SV2C: variants seen among roughly 807,000 people sequenced by gnomAD.
SV2C encodes the protein synaptic vesicle glycoprotein 2C.
A neutral mutation model predicts 79.7 loss-of-function variants in SV2C; 49 were observed. The observed-to-expected ratio is 0.61, with a 90% CI of 0.49 to 0.78. The LOEUF is 0.78. Ranked by LOEUF, SV2C falls within the 30% of genes least tolerant of loss-of-function variation. The pLI is 0.00. For synonymous variants in SV2C, 334 were observed against 333.2 expected (o/e 1.00, Z -0.03); for missense variants, 833 against 912.9 (o/e 0.91, Z 1.13).
chr5:76,258,436 A>G (rs1413828476), intron 4 of SV2C, among the ~76,000 whole-genome samples: 1 of 152,154 alleles, frequency 6.6e-6, no homozygotes, highest in Middle Eastern at 3.2e-3. Context: ...TGAGAGCTTG[A>G]TGATGGCCAG....
the SV2C span, among the ~76,000 whole-genome samples, chr5:75,929,177 ACCCCTGTGT>A: frequency 6.6e-6 from 1 of 151,716 alleles, no homozygotes; most frequent in African/African-American, 2.4e-5. Context: ...TCTGCTCCAC[ACCCCTGTGT>A]CCAGGGTTGA....
chr5:75,887,685 A>G, the SV2C span, among the ~76,000 whole-genome samples: 1 of 152,142 alleles, frequency 6.6e-6, no homozygotes, highest in Admixed American at 6.6e-5. Context: ...GACAATGTAT[A>G]TATGTATATA....
chr5:76,033,847 C>T, the SV2C span, among the ~76,000 whole-genome samples: 1 of 151,632 alleles, frequency 6.6e-6, no homozygotes, highest in Non-Finnish European at 1.5e-5. Flanking sequence ...GCAGTATGGC[C>T]ATTTTCACGA....
At chr5:76,143,717 C>T (rs1749333673) in intron 2 of SV2C, among the ~76,000 whole-genome samples, 2 of 152,184 alleles carry the variant, frequency 1.3e-5, no homozygotes, top group Admixed American at 1.3e-4. Flanking sequence ...GGCTTTCTGC[C>T]TTCCTAGTAG....
chr5:76,071,327 G>A, the SV2C span, among the ~76,000 whole-genome samples: 27 of 152,292 alleles, frequency 1.8e-4, no homozygotes, highest in Non-Finnish European at 3.4e-4. Context: ...AGTTATAAAA[G>A]AACCTGCAGT....
chr5:76,068,081 T>C, the SV2C span, among the ~76,000 whole-genome samples: 1 of 152,176 alleles, frequency 6.6e-6, no homozygotes, highest in Non-Finnish European at 1.5e-5. Flanking sequence ...TAGCCAGAGC[T>C]TGTAAAACCA....
chr5:76,054,615 G>GT, the SV2C span, among the ~76,000 whole-genome samples: 1 of 152,170 alleles, frequency 6.6e-6, no homozygotes, highest in South Asian at 2.1e-4. Flanking sequence ...CACCAACAGT[G>GT]TAAAAGCATT....
At chr5:76,021,667 C>T in the SV2C span, among the ~76,000 whole-genome samples, 1 of 152,170 alleles carries the variant, frequency 6.6e-6, no homozygotes, top group Non-Finnish European at 1.5e-5. Flanking sequence ...CCAGTAACAT[C>T]AGTTTTATTC....
At chr5:75,847,646 A>G in the SV2C span, among the ~76,000 whole-genome samples, 1 of 152,210 alleles carries the variant, frequency 6.6e-6, no homozygotes, top group African/African-American at 2.4e-5. Context: ...AGCTGATAAC[A>G]AAGTTGACTT....
At chr5:76,246,880 A>G (rs1290710812) in intron 4 of SV2C, among the ~76,000 whole-genome samples, 1 of 152,132 alleles carries the variant, frequency 6.6e-6, no homozygotes, top group African/African-American at 2.4e-5. Flanking sequence ...TGTCAACTCT[A>G]AAGTGAAAAG....
upstream of SV2C, among the ~76,000 whole-genome samples, chr5:76,081,175 C>T (rs1468494955): frequency 6.6e-6 from 1 of 152,154 alleles, no homozygotes; most frequent in Admixed American, 6.5e-5. Context: ...ATATCTTCCA[C>T]GGACAAGATA....
chr5:76,280,217 A>AC (rs1176441530), intron 4 of SV2C, among the ~76,000 whole-genome samples: 6 of 152,018 alleles, frequency 3.9e-5, no homozygotes, highest in Admixed American at 6.5e-5. Context: ...TGGACAACAC[A>AC]CCCTTTAGAG....
chr5:76,346,836 C>G (rs1467604378), intron 12 of SV2C, among the ~76,000 whole-genome samples: 1 of 152,216 alleles, frequency 6.6e-6, no homozygotes, highest in Non-Finnish European at 1.5e-5. Flanking sequence ...GCCTCCCTTC[C>G]CACCATGCCC....
At chr5:76,262,666 T>G (rs1251312186) in intron 4 of SV2C, among the ~76,000 whole-genome samples, 1 of 152,216 alleles carries the variant, frequency 6.6e-6, no homozygotes, top group Non-Finnish European at 1.5e-5. Flanking sequence ...ACTTTATTAT[T>G]TCTGCCTTAA....
chr5:75,994,139 C>T, the SV2C span, among the ~76,000 whole-genome samples: 1 of 151,908 alleles, frequency 6.6e-6, no homozygotes, highest in Non-Finnish European at 1.5e-5. Context: ...CTATTTTTAT[C>T]CCAATAAAAG....
At chr5:76,103,949 T>C (rs1747822129) in intron 1 of SV2C, among the ~76,000 whole-genome samples, 1 of 152,220 alleles carries the variant, frequency 6.6e-6, no homozygotes, top group Non-Finnish European at 1.5e-5. Flanking sequence ...CTCATGAACA[T>C]AGACACAAAT....
the SV2C span, among the ~76,000 whole-genome samples, chr5:75,923,775 G>A: frequency 5.9e-5 from 9 of 152,162 alleles, no homozygotes; most frequent in African/African-American, 1.9e-4. Context: ...TGTCATGGAT[G>A]TGGTAAAAAG....
intron 4 of SV2C, among the ~76,000 whole-genome samples, chr5:76,259,232 A>G (rs991715142): frequency 2.0e-5 from 3 of 152,030 alleles, no homozygotes; most frequent in African/African-American, 7.2e-5. Context: ...TGGGTCATAG[A>G]GTTGATGTAT....
chr5:76,227,852 C>T (rs2112391749), intron 4 of SV2C, among the ~76,000 whole-genome samples: 2 of 152,240 alleles, frequency 1.3e-5, no homozygotes, highest in African/African-American at 4.8e-5. Flanking sequence ...TGGTGGTGGC[C>T]CTAGCTGATG....
Sources: allele counts gnomAD v4.1 joint callset (sites outside exome capture counted in the v4.1 genomes callset), GRCh38; gene constraint gnomAD v4.1.1; transcripts MANE v1.5; gene names NCBI Gene and HGNC (gene_info 2026-07-23, HGNC 2026-07-21).